Variants in DMD observed in about 807,000 individuals in gnomAD.
DMD encodes mutant dystrophin.
DMD carries 63 observed loss-of-function variants against 330.1 expected under a neutral mutation model. The observed-to-expected ratio is 0.19, with a 90% confidence interval of 0.16 to 0.24. The LOEUF (loss-of-function observed/expected upper bound fraction) is 0.24, where lower values mean the gene tolerates loss of function less well. DMD is among the 10% of genes least tolerant of loss of function. The pLI is 1.00. For missense variants in DMD, 3,344 were observed against 2,684.1 expected, an observed-to-expected ratio of 1.25 and a Z score of -5.43; for synonymous variants, 1,223 against 959.8, an observed-to-expected ratio of 1.27 and a Z score of -5.07.
At chrX:32,575,540 T>G (rs146882232) in intron 13 of DMD, among the ~76,000 whole-genome samples, 3,688 of 112,285 alleles carry the variant, frequency 0.033, 139 homozygotes, top group African/African-American at 0.11. Context: ...ATCAATGAAT[T>G]TAGTCACTTC....
chrX:32,849,362 C>G (rs904108086), intron 3 of DMD, among the ~76,000 whole-genome samples: 1 of 111,555 alleles, frequency 9.0e-6, no homozygotes, highest in African/African-American at 3.3e-5. Flanking sequence ...ATTTTGCTAT[C>G]CCACATGTAT....
intron 44 of DMD, among the ~76,000 whole-genome samples, chrX:32,103,574 G>A (rs1411145592): frequency 8.9e-6 from 1 of 111,935 alleles, no homozygotes; most frequent in African/African-American, 3.2e-5. Context: ...TGCCTGTAAT[G>A]ACTACTGTTT....
intron 7 of DMD, among the ~76,000 whole-genome samples, chrX:32,713,131 A>C (rs2065346417): frequency 8.9e-6 from 1 of 112,117 alleles, no homozygotes; most frequent in East Asian, 2.8e-4. Flanking sequence ...AAAATCTACT[A>C]AAGCAAATCA....
At chrX:32,187,635 T>C (rs1432048206) in intron 44 of DMD, among the ~76,000 whole-genome samples, 1 of 111,937 alleles carries the variant, frequency 8.9e-6, no homozygotes, top group East Asian at 2.8e-4. Context: ...TTCATCACAA[T>C]ATGCTGTCTA....
chrX:32,036,564 A>C (rs778215717), intron 44 of DMD, among the ~76,000 whole-genome samples: 15 of 111,696 alleles, frequency 1.3e-4, no homozygotes, highest in African/African-American at 4.9e-4. Flanking sequence ...AGATGAGGTG[A>C]TGAGCTCAGG....
chrX:31,484,504 G>C (rs141037897), intron 57 of DMD, among the ~76,000 whole-genome samples: 1 of 111,232 alleles, frequency 9.0e-6, no homozygotes, highest in African/African-American at 3.3e-5. Flanking sequence ...CAGACCCAAG[G>C]GTCCAAAATA....
At chrX:32,426,313 G>C (rs1355213365) in intron 29 of DMD, among the ~76,000 whole-genome samples, 7 of 111,378 alleles carry the variant, frequency 6.3e-5, no homozygotes, top group African/African-American at 2.0e-4. Context: ...ATTAAAAATG[G>C]GCAAAGGACA....
intron 60 of DMD, among the ~76,000 whole-genome samples, chrX:31,443,330 T>C: frequency 9.0e-6 from 1 of 111,225 alleles, no homozygotes; most frequent in Non-Finnish European, 1.9e-5. Flanking sequence ...GATGAGTAAA[T>C]GGACAACCAC....
At chrX:32,249,301 T>C (rs981476685) in intron 43 of DMD, among the ~76,000 whole-genome samples, 2 of 111,909 alleles carry the variant, frequency 1.8e-5, no homozygotes, top group African/African-American at 6.5e-5. Flanking sequence ...AGCTTTATAG[T>C]TCCTTAAATC....
At chrX:32,272,124 T>C (rs1265986878) in intron 43 of DMD, among the ~76,000 whole-genome samples, 1 of 112,158 alleles carries the variant, frequency 8.9e-6, no homozygotes, top group Non-Finnish European at 1.9e-5. Flanking sequence ...AATGGTAACA[T>C]GTTGCAAACA....
chrX:32,518,252 T>G, intron 17 of DMD, 121 bp from the exon 18 acceptor site: 1 of 696,919 alleles, frequency 1.4e-6, no homozygotes, highest in Non-Finnish European at 2.2e-6. Context: ...CTGACACCTC[T>G]ATTAGTATTA....
intron 52 of DMD, among the ~76,000 whole-genome samples, chrX:31,715,322 A>T (rs1159121736): frequency 9.3e-6 from 1 of 107,460 alleles, no homozygotes; most frequent in Non-Finnish European, 1.9e-5. Context: ...AGACGGGCGG[A>T]TCACGAGGTC....
At chrX:32,926,150 C>A (rs988915247) in intron 2 of DMD, among the ~76,000 whole-genome samples, 4 of 111,834 alleles carry the variant, frequency 3.6e-5, no homozygotes, top group African/African-American at 1.3e-4. Context: ...TTTGTGACAA[C>A]ATGGATAATC....
chrX:31,750,757 A>G (rs1459609358), intron 51 of DMD, among the ~76,000 whole-genome samples: 1 of 107,575 alleles, frequency 9.3e-6, no homozygotes, highest in Non-Finnish European at 1.9e-5. Flanking sequence ...CCATTGTCTC[A>G]GCCCAAAATC....
chrX:33,022,511 T>C (rs1392393112), intron 1 of DMD, among the ~76,000 whole-genome samples: 1 of 110,718 alleles, frequency 9.0e-6, no homozygotes, highest in Non-Finnish European at 1.9e-5. Context: ...TTGTCTTATT[T>C]TGGTATAGTA....
chrX:31,986,573 C>T (rs1485535598), intron 44 of DMD, among the ~76,000 whole-genome samples: 1 of 111,091 alleles, frequency 9.0e-6, no homozygotes, highest in Non-Finnish European at 1.9e-5. Flanking sequence ...CCACCATGCT[C>T]AGCTAATTTT....
chrX:32,972,651 G>A (rs771511196), intron 2 of DMD, among the ~76,000 whole-genome samples: 44 of 112,182 alleles, frequency 3.9e-4, no homozygotes, highest in Middle Eastern at 4.7e-3. Flanking sequence ...CAAGAGTTTT[G>A]AGCATAGGCT....
At chrX:32,767,888 CTGTT>C (rs1483459939) in intron 7 of DMD, among the ~76,000 whole-genome samples, 5 of 111,502 alleles carry the variant, frequency 4.5e-5, no homozygotes, top group African/African-American at 1.3e-4. Context: ...CTGTAAATCT[CTGTT>C]TGGGAGAAAG....
intron 74 of DMD, among the ~76,000 whole-genome samples, chrX:31,150,781 A>T (rs1479453543): frequency 8.9e-6 from 1 of 111,962 alleles, no homozygotes; most frequent in Admixed American, 9.4e-5. Context: ...GCTCAGTTTC[A>T]AAAGGCTAGA....
Sources: allele counts gnomAD v4.1 joint callset (sites outside exome capture counted in the v4.1 genomes callset), GRCh38; gene constraint gnomAD v4.1.1; transcripts MANE v1.5; gene names NCBI Gene and HGNC (gene_info 2026-07-23, HGNC 2026-07-21).